Variants in KMT2C observed in about 807,000 individuals in gnomAD.
KMT2C encodes the protein lysine methyltransferase 2C.
Under a neutral mutation model 507.9 loss-of-function variants are expected in KMT2C, and 88 were observed. That is an observed-to-expected ratio of 0.17 (90% CI 0.15 to 0.21). The LOEUF is 0.21. Among genes scored for constraint, KMT2C ranks in the 10% least tolerant of loss-of-function variants. The probability of loss-of-function intolerance (pLI) is 1.00; values close to 1 mark genes in which losing one functional copy is unlikely to be tolerated. For synonymous variants in KMT2C, 2,049 were observed against 2,080.8 expected (o/e 0.98, Z 0.42); for missense variants, 4,954 against 5,957.8 (o/e 0.83, Z 5.55).
intron 1 of KMT2C, among the ~76,000 whole-genome samples, chr7:152,398,108 C>T (rs371078114): frequency 1.3e-5 from 2 of 152,198 alleles, no homozygotes; most frequent in African/African-American, 4.8e-5. Flanking sequence ...AACAGACACA[C>T]TCAGTACAGT....
At chr7:152,272,009 T>C (rs1387227631) in intron 7 of KMT2C, among the ~76,000 whole-genome samples, 1 of 152,042 alleles carries the variant, frequency 6.6e-6, no homozygotes, top group Non-Finnish European at 1.5e-5. Context: ...GGGGGGTCTC[T>C]CTATTACCTT....
chr7:152,416,710 C>G (rs985122109), intron 1 of KMT2C, among the ~76,000 whole-genome samples: 1 of 134,146 alleles, frequency 7.5e-6, no homozygotes, highest in Non-Finnish European at 1.6e-5. Flanking sequence ...GGTGACAGAA[C>G]AAGACTCTGT....
chr7:152,372,691 C>A (rs996000726), intron 1 of KMT2C, among the ~76,000 whole-genome samples: 3 of 152,088 alleles, frequency 2.0e-5, no homozygotes, highest in East Asian at 1.9e-4. Flanking sequence ...TATATACATG[C>A]CCCAATTTGG....
intron 9 of KMT2C, among the ~76,000 whole-genome samples, chr7:152,262,761 G>A (rs2129172308): frequency 1.3e-5 from 2 of 152,270 alleles, no homozygotes; most frequent in South Asian, 4.1e-4. Flanking sequence ...TAGTGAAAAA[G>A]CAGACTAGGA....
chr7:152,389,288 C>G (rs1264419962), intron 1 of KMT2C, among the ~76,000 whole-genome samples: 1 of 147,842 alleles, frequency 6.8e-6, no homozygotes, highest in Non-Finnish European at 1.5e-5. Flanking sequence ...TCACTTGAAC[C>G]TGGGAGGCCG....
At chr7:152,400,094 G>A (rs749796041) in intron 1 of KMT2C, among the ~76,000 whole-genome samples, 17 of 148,190 alleles carry the variant, frequency 1.1e-4, no homozygotes, top group Non-Finnish European at 2.4e-4. Context: ...GGATCACGAG[G>A]TCAGGAGATC....
intron 11 of KMT2C, among the ~76,000 whole-genome samples, chr7:152,251,523 A>G (rs543058390): frequency 9.8e-5 from 15 of 152,320 alleles, no homozygotes; most frequent in African/African-American, 3.6e-4. Flanking sequence ...GGATACTACT[A>G]AAAATATTCC....
chr7:152,305,256 C>T (rs2096605490), intron 6 of KMT2C, among the ~76,000 whole-genome samples: 1 of 151,876 alleles, frequency 6.6e-6, no homozygotes, highest in African/African-American at 2.4e-5. Context: ...GTGATAAGTA[C>T]GAAAAAGAAA....
In KMT2C at chr7:152,252,630, T is replaced by A. The variant is rs1343847095; in HGVS notation, c.1385A>T (p.Gln462Leu). 4 of 1,613,446 alleles carry A rather than the reference T, an allele frequency of 2.5e-6. No individual in the cohort carries two copies. In the East Asian group the frequency reaches 8.9e-5, roughly 36 times the overall value. Reference sequence around the variant, plus strand: ...ACAGAAGGGACATAAGTTATCCTGCTGTTGGTAACAATTGTCACATATCAG... The same window carrying A: ...ACAGAAGGGACATAAGTTATCCTGCAGTTGGTAACAATTGTCACATATCAG... ...NCLICDNCYQQQDNLCPFCGK... is the reference protein window; with the variant it reads ...NCLICDNCYQLQDNLCPFCGK... The change falls in exon 10 of 59, where the codon CAG (glutamine) becomes CTG (leucine). Residue 462 changes from glutamine (Q) to leucine (L), a missense_variant. This residue lies in a region of KMT2C where 376 missense variants were observed against 352.4 expected (regional missense o/e 1.07). Transcript: ENST00000262189.
At chr7:152,250,227 C>A (rs114080077) in intron 12 of KMT2C, among the ~76,000 whole-genome samples, 1 of 152,032 alleles carries the variant, frequency 6.6e-6, no homozygotes, top group Non-Finnish European at 1.5e-5. Flanking sequence ...AGTTATTATA[C>A]GTAAACTTAA....
rs1250784338 is a variant in KMT2C at position 152,410,368 on chromosome 7, C to T, written c.161+25258G>A. On this transcript the variant is annotated intron_variant, in intron 1 of 58. Transcript: ENST00000262189. The stretch of plus-strand genomic sequence containing the variant: ...CGGAGCTTGCACTGAGTCAAGATCG[C>T]GCCCTCGCACTCCAGCTTGGGCGAC... Among the ~76,000 whole-genome samples, 4 of 150,558 alleles carry T rather than the reference C, an allele frequency of 2.7e-5. No individual in the cohort carries two copies. In the East Asian group the frequency reaches 5.9e-4, roughly 22 times the overall value.
intron 1 of KMT2C, among the ~76,000 whole-genome samples, chr7:152,400,677 T>C (rs2097567045): frequency 6.6e-6 from 1 of 152,214 alleles, no homozygotes; most frequent in South Asian, 2.1e-4. Flanking sequence ...TAAGCAAGGA[T>C]TCAAAACTTT....
intron 1 of KMT2C, among the ~76,000 whole-genome samples, chr7:152,409,327 A>C (rs2097656595): frequency 6.6e-6 from 1 of 152,062 alleles, no homozygotes; most frequent in Non-Finnish European, 1.5e-5. Flanking sequence ...TTCTTTGAAA[A>C]CATATTTGCT....
Position 152,187,844 on chromosome 7 carries a change from G to T in KMT2C, c.4664C>A (p.Ala1555Asp). The change falls in exon 32 of 59, where the codon GCT becomes GAT. Residue 1555 changes from alanine (A) to aspartate (D), a missense_variant. By Grantham distance (126) the Ala-to-Asp change is moderately radical. This residue lies in a region of KMT2C where 195 missense variants were observed against 183.7 expected (regional missense o/e 1.06). Coordinates refer to ENST00000262189, the MANE Select transcript of KMT2C (RefSeq NM_170606.3). ...ATTCATGAGAGGCATCCGTGAAAAA[G>T]CATCTTCAGAGAAAAAAATAATTCC... is the stretch of plus-strand genomic sequence containing the variant. ...TQLLPIHNQD[A>D]FSRMPLMNGL... 4 of 1,612,652 alleles carry T rather than the reference G, an allele frequency of 2.5e-6. No homozygotes were observed. The highest frequency in any genetic ancestry group is 3.4e-6 in the Non-Finnish European group (4 of 1,179,582).
chr7:152,335,311 C>T (rs140858710), intron 2 of KMT2C, among the ~76,000 whole-genome samples: 1 of 152,308 alleles, frequency 6.6e-6, no homozygotes, highest in Non-Finnish European at 1.5e-5. Context: ...TTCATTTCTA[C>T]TCAGAGAGTC....
At chr7:152,401,399 A>G (rs2097572445) in intron 1 of KMT2C, among the ~76,000 whole-genome samples, 1 of 151,708 alleles carries the variant, frequency 6.6e-6, no homozygotes, top group African/African-American at 2.4e-5. Context: ...TCAAGTATTA[A>G]AGTCATACCG....
chr7:152,342,001 A>G (rs1226450769), intron 2 of KMT2C, among the ~76,000 whole-genome samples: 1 of 152,306 alleles, frequency 6.6e-6, no homozygotes, highest in East Asian at 1.9e-4. Flanking sequence ...TATGCAAATA[A>G]CCAAAAGGCG....
At chr7:152,336,745 C>T (rs1215415958) in intron 2 of KMT2C, among the ~76,000 whole-genome samples, 1 of 152,184 alleles carries the variant, frequency 6.6e-6, no homozygotes, top group Admixed American at 6.5e-5. Context: ...TAAAAAATTA[C>T]ATTGCATTTT....
In KMT2C at chr7:152,330,654, C is replaced by A. The variant is rs2129212051; in HGVS notation, c.336G>T (p.Val112=). ...KQLIPTLQRS[V]SEESANSLVS... is the part of the protein sequence containing the mutation. ...CCAGGGAGTTTGCCGATTCCTCAGA[C>A]ACAGATCGCTGAAGAGTTGGAATTA... Residue 112 remains valine, a synonymous_variant, in exon 3 of 59, where the codon GTG becomes GTT. Coordinates refer to ENST00000262189, the MANE Select transcript of KMT2C (RefSeq NM_170606.3). 1.2e-6 allele frequency: 2 copies of A among 1,614,168 alleles called. No individual in the cohort carries two copies. Among genetic ancestry groups the A allele is most frequent in the Non-Finnish European group, 1.7e-6 (2 of 1,179,992 alleles).
Sources: gnomAD v4.1 joint callset for allele counts (sites outside exome capture counted in the v4.1 genomes callset) on GRCh38, gnomAD v4.1.1 for gene constraint, gnomAD v4.1.1 regional missense constraint, MANE v1.5 for transcripts, NCBI Gene and HGNC (gene_info 2026-07-23, HGNC 2026-07-21) for gene names.